EPHA3: variants seen among roughly 807,000 people sequenced by gnomAD.
The protein encoded by EPHA3 is EPH receptor A3, also known as ephrin type-A receptor 3.
A neutral mutation model predicts 107.1 loss-of-function variants in EPHA3; 42 were observed. The ratio of observed to expected loss-of-function variants is 0.39; its 90% CI spans 0.31 to 0.51. The LOEUF is 0.51. Ranked by LOEUF, EPHA3 falls within the 20% of genes least tolerant of loss-of-function variation. The pLI, the probability that EPHA3 is intolerant of heterozygous loss-of-function variation, is 0.78. For synonymous variants in EPHA3, 461 were observed against 424.8 expected (o/e 1.09, Z -1.05); for missense variants, 1,183 against 1,211.2 (o/e 0.98, Z 0.35).
intron 7 of EPHA3, among the ~76,000 whole-genome samples, chr3:89,405,110 A>G (rs979680906): frequency 3.9e-5 from 6 of 152,136 alleles, no homozygotes; most frequent in African/African-American, 1.4e-4. Flanking sequence ...GAGCCAGGCA[A>G]GCAGAACCTC....
intron 1 of EPHA3, among the ~76,000 whole-genome samples, chr3:89,123,247 G>A (rs1290010890): frequency 6.6e-6 from 1 of 152,128 alleles, no homozygotes; most frequent in Admixed American, 6.5e-5. Context: ...GGGTTGAAGC[G>A]ATTCTCCTGC....
intron 3 of EPHA3, among the ~76,000 whole-genome samples, chr3:89,322,892 C>A (rs1707076492): frequency 6.6e-6 from 1 of 151,924 alleles, no homozygotes; most frequent in Non-Finnish European, 1.5e-5. Context: ...GTTATCTAGA[C>A]ATAGTTTATC....
intron 7 of EPHA3, among the ~76,000 whole-genome samples, chr3:89,404,545 T>C (rs996716622): frequency 6.6e-6 from 1 of 152,150 alleles, no homozygotes; most frequent in Non-Finnish European, 1.5e-5. Flanking sequence ...CAAATTCAAG[T>C]TGAATTATTA....
intron 5 of EPHA3, among the ~76,000 whole-genome samples, chr3:89,364,680 A>G (rs1490163047): frequency 1.3e-5 from 2 of 150,360 alleles, no homozygotes; most frequent in African/African-American, 4.8e-5. Flanking sequence ...TCTAGATTTT[A>G]TGCAAATTTA....
intron 2 of EPHA3, among the ~76,000 whole-genome samples, chr3:89,151,401 A>C (rs1313640911): frequency 3.9e-5 from 6 of 152,080 alleles, no homozygotes; most frequent in Non-Finnish European, 8.8e-5. Context: ...CTGAAGGGAC[A>C]TAAGTAGGGG....
At chr3:89,460,073 A>G (rs1213268677) in intron 15 of EPHA3, among the ~76,000 whole-genome samples, 3 of 152,122 alleles carry the variant, frequency 2.0e-5, no homozygotes, top group Non-Finnish European at 2.9e-5. Flanking sequence ...GAAAAATGAG[A>G]ATGTGTTTCT....
chr3:89,399,891 A>C (rs1708924248), intron 7 of EPHA3: 1 of 1,066,200 alleles, frequency 9.4e-7, no homozygotes, highest in East Asian at 5.2e-5. Flanking sequence ...TTTAATCCTT[A>C]ACACATTCAA....
Position 89,303,017 on chromosome 3 carries a change from C to T in EPHA3, c.815-37899C>T, listed in dbSNP as rs1283659523. 3.3e-5 allele frequency among the ~76,000 whole-genome samples: 5 copies of T among 151,996 alleles called. No individual in the cohort carries two copies. The South Asian group carries it at 6.2e-4, about 19-fold the overall frequency. On this transcript the variant is annotated intron_variant, in intron 3 of 16. Coordinates refer to ENST00000336596, the MANE Select transcript of EPHA3 (RefSeq NM_005233.6). ...AAGTGATCCTTCTACTTCAGCTTCC[C>T]GGGTACCTGGGATTACTGGTATCTG...
chr3:89,309,463 G>A (rs569082547), intron 3 of EPHA3, among the ~76,000 whole-genome samples: 55 of 152,142 alleles, frequency 3.6e-4, no homozygotes, highest in African/African-American at 1.3e-3. Context: ...ATGGGAGAGG[G>A]AAGGAATAAT....
chr3:89,170,662 A>G (rs1399727275), intron 2 of EPHA3, among the ~76,000 whole-genome samples: 2 of 152,206 alleles, frequency 1.3e-5, no homozygotes, highest in East Asian at 1.9e-4. Context: ...CCCAAGCTCA[A>G]ATATAAATAT....
At chr3:89,240,885 A>C (rs1243007531) in intron 3 of EPHA3, among the ~76,000 whole-genome samples, 1 of 152,142 alleles carries the variant, frequency 6.6e-6, no homozygotes, top group East Asian at 1.9e-4. Context: ...GAGAAACAAA[A>C]TTTTAAATTG....
chr3:89,228,073 C>A (rs1198308703), intron 3 of EPHA3, among the ~76,000 whole-genome samples: 1 of 151,818 alleles, frequency 6.6e-6, no homozygotes, highest in African/African-American at 2.4e-5. Flanking sequence ...CAGAGTAGAT[C>A]TGCTGTAACT....
At chr3:89,455,713 T>C (rs1285966899) in intron 15 of EPHA3, among the ~76,000 whole-genome samples, 2 of 152,180 alleles carry the variant, frequency 1.3e-5, no homozygotes, top group Non-Finnish European at 2.9e-5. Context: ...TTTCAGAAGA[T>C]TGTAGCACAT....
chr3:89,269,202 G>A (rs1486335099), intron 3 of EPHA3, among the ~76,000 whole-genome samples: 3 of 152,088 alleles, frequency 2.0e-5, no homozygotes, highest in Non-Finnish European at 4.4e-5. Flanking sequence ...AACAACTTAT[G>A]AAGAATACTG....
At chr3:89,204,646 G>A (rs1022929443) in intron 2 of EPHA3, among the ~76,000 whole-genome samples, 2 of 140,068 alleles carry the variant, frequency 1.4e-5, no homozygotes, top group African/African-American at 5.3e-5. Context: ...GTACTTTTGA[G>A]ACCAGAATGG....
intron 3 of EPHA3, among the ~76,000 whole-genome samples, chr3:89,259,517 G>T (rs534672204): frequency 1.3e-5 from 2 of 152,226 alleles, no homozygotes; most frequent in African/African-American, 2.4e-5. Context: ...GAAAAGTGGG[G>T]CATGCCATAT....
chr3:89,479,326 T>C, intron 16 of EPHA3, 71 bp from the exon 17 acceptor site: 2 of 1,188,294 alleles, frequency 1.7e-6, no homozygotes, highest in Non-Finnish European at 2.5e-6. Context: ...GTGCAAATTG[T>C]GCTAATTGAA....
intron 5 of EPHA3, among the ~76,000 whole-genome samples, chr3:89,368,834 C>T (rs1483427383): frequency 6.7e-6 from 1 of 150,222 alleles, no homozygotes; most frequent in Non-Finnish European, 1.5e-5. Context: ...AAACAAAAAA[C>T]AAAAAACGCT....
Position 89,395,827 on chromosome 3 carries a change from C to T in EPHA3, c.1307-10C>T, listed in dbSNP as rs1436267861. The T allele has an allele frequency of 6.2e-7, 1 of 1,613,192 alleles. No individual in the cohort carries two copies. Among genetic ancestry groups the T allele is most frequent in the East Asian group, 2.2e-5 (1 of 44,858 alleles). On this transcript the variant is annotated splice_polypyrimidine_tract_variant and intron_variant, in intron 5 of 16. Coordinates refer to ENST00000336596, the MANE Select transcript of EPHA3 (RefSeq NM_005233.6). The stretch of plus-strand genomic sequence containing the variant: ...TCCTTCCACCTTCCCCTCCCATCCT[C>T]TCTTTACAGCTCCATCACCTGTCCT...
Sources: gnomAD v4.1 joint callset for allele counts (sites outside exome capture counted in the v4.1 genomes callset) on GRCh38, gnomAD v4.1.1 for gene constraint, MANE v1.5 for transcripts, NCBI Gene and HGNC (gene_info 2026-07-23, HGNC 2026-07-21) for gene names.